The following SORCS3 variants were observed in gnomAD, a reference collection of about 807,000 sequenced individuals.
SORCS3 encodes sortilin related VPS10 domain containing receptor 3.
A neutral mutation model predicts 146.3 loss-of-function variants in SORCS3; 57 were observed. The ratio of observed to expected loss-of-function variants is 0.39; its 90% confidence interval spans 0.31 to 0.49. The LOEUF (loss-of-function observed/expected upper bound fraction) is 0.49. Among genes scored for constraint, SORCS3 ranks in the 20% least tolerant of loss-of-function variants. SORCS3 has a pLI of 0.92. For missense variants in SORCS3, 1,341 were observed against 1,575.5 expected, an observed-to-expected ratio of 0.85 and a Z score of 2.52; for synonymous variants, 653 against 618.5, an observed-to-expected ratio of 1.06 and a Z score of -0.83.
intron 2 of SORCS3, among the ~76,000 whole-genome samples, chr10:104,876,912 G>A (rs940004649): frequency 2.0e-5 from 3 of 151,370 alleles, no homozygotes; most frequent in Non-Finnish European, 4.4e-5. Flanking sequence ...GTGGAGTATA[G>A]CAAAGCAATC....
intron 1 of SORCS3, among the ~76,000 whole-genome samples, chr10:104,801,179 C>T (rs1445995319): frequency 6.6e-6 from 1 of 152,200 alleles, no homozygotes; most frequent in Admixed American, 6.5e-5. Context: ...GTCACTTAAT[C>T]TCTCTGTGCC....
chr10:104,996,004 A>G (rs1219155132), intron 4 of SORCS3, among the ~76,000 whole-genome samples: 5 of 152,192 alleles, frequency 3.3e-5, no homozygotes, highest in Non-Finnish European at 7.3e-5. Context: ...CAGTTTATGG[A>G]AAAGACTATT....
intron 20 of SORCS3, among the ~76,000 whole-genome samples, chr10:105,233,842 C>T (rs2056778401): frequency 6.6e-6 from 1 of 152,142 alleles, no homozygotes; most frequent in African/African-American, 2.4e-5. Flanking sequence ...CAACTCTTTG[C>T]TATTGTGAAC....
intron 1 of SORCS3, among the ~76,000 whole-genome samples, chr10:104,785,083 C>G (rs574896396): frequency 1.3e-5 from 2 of 152,234 alleles, no homozygotes; most frequent in East Asian, 1.9e-4. Flanking sequence ...GGGGCTGACC[C>G]CCCCCCACCT....
At chr10:105,140,117 G>A (rs1338283179) in intron 8 of SORCS3, among the ~76,000 whole-genome samples, 5 of 152,112 alleles carry the variant, frequency 3.3e-5, no homozygotes, top group Non-Finnish European at 5.9e-5. Flanking sequence ...AAATGGACAG[G>A]TTATAATTGC....
chr10:104,947,080 G>A (rs775774989), intron 3 of SORCS3, among the ~76,000 whole-genome samples: 11 of 152,076 alleles, frequency 7.2e-5, no homozygotes, highest in Non-Finnish European at 1.6e-4. Flanking sequence ...AAAAGCAGGG[G>A]ATGACTTGTA....
chr10:104,933,401 A>G (rs1460252226), intron 3 of SORCS3, among the ~76,000 whole-genome samples: 2 of 152,004 alleles, frequency 1.3e-5, no homozygotes, highest in Non-Finnish European at 2.9e-5. Flanking sequence ...CCAATAGTAG[A>G]CAACACATTT....
chr10:105,156,457 T>C (rs1589660128), intron 9 of SORCS3, among the ~76,000 whole-genome samples: 2 of 152,280 alleles, frequency 1.3e-5, no homozygotes, highest in South Asian at 4.1e-4. Flanking sequence ...CGTCAAAATA[T>C]CAAAGGCGTG....
intron 9 of SORCS3, among the ~76,000 whole-genome samples, chr10:105,155,862 A>G (rs764936059): frequency 9.2e-5 from 14 of 152,106 alleles, no homozygotes; most frequent in Non-Finnish European, 1.5e-4. Context: ...AGTTAATTCT[A>G]TTCTCCTCCT....
chr10:104,870,947 G>A (rs2018512966), intron 2 of SORCS3, among the ~76,000 whole-genome samples: 1 of 152,154 alleles, frequency 6.6e-6, no homozygotes, highest in African/African-American at 2.4e-5. Context: ...CCAGCCCTTA[G>A]GAGCCTAGAG....
chr10:104,740,261 C>T (rs2133459708), intron 1 of SORCS3, among the ~76,000 whole-genome samples: 1 of 152,304 alleles, frequency 6.6e-6, no homozygotes, highest in South Asian at 2.1e-4. Flanking sequence ...GGCCCCCTTT[C>T]TCCTCACTCA....
Position 105,159,241 on chromosome 10 carries a change from G to A in SORCS3, c.1732+247G>A, listed in dbSNP as rs146100364. 1.7e-3 allele frequency among the ~76,000 whole-genome samples: 257 copies of A among 152,286 alleles called. 6 individuals are homozygous for A. The South Asian group carries it at 0.046, about 27-fold the overall frequency. ...AGCAGTCCCCTGTGCTTAGGAAGAGGCCAGAGTTTCTCTCAAAGTAAACTG... is the reference window on the plus strand; with the variant it reads ...AGCAGTCCCCTGTGCTTAGGAAGAGACCAGAGTTTCTCTCAAAGTAAACTG... On this transcript the variant is annotated intron_variant, in intron 11 of 26. Transcript: ENST00000369701.
chr10:104,906,056 C>T (rs891875654), intron 2 of SORCS3, among the ~76,000 whole-genome samples: 2 of 152,128 alleles, frequency 1.3e-5, no homozygotes, highest in Non-Finnish European at 2.9e-5. Flanking sequence ...CACATTTTAT[C>T]CTGGAGGTTT....
intron 1 of SORCS3, among the ~76,000 whole-genome samples, chr10:104,796,513 C>T (rs1405242557): frequency 6.6e-6 from 1 of 151,680 alleles, no homozygotes; most frequent in Non-Finnish European, 1.5e-5. Flanking sequence ...ATTGACTAGA[C>T]CTTAATGGCT....
chr10:104,994,075 T>C (rs1311461081), intron 4 of SORCS3, among the ~76,000 whole-genome samples: 2 of 152,222 alleles, frequency 1.3e-5, no homozygotes, highest in Non-Finnish European at 2.9e-5. Flanking sequence ...CCCTACTGTC[T>C]ATTACCCAGA....
intron 19 of SORCS3, chr10:105,217,729 A>C: frequency 2.2e-6 from 1 of 445,016 alleles, no homozygotes. Context: ...GCTTGGCACA[A>C]ACCAAAAGAA....
chr10:104,949,344 G>A (rs371320777), intron 3 of SORCS3, among the ~76,000 whole-genome samples: 25 of 152,304 alleles, frequency 1.6e-4, no homozygotes, highest in African/African-American at 6.0e-4. Context: ...AATGTAGCTT[G>A]AGTCTGGGCA....
chr10:104,837,348 T>C (rs1171636317), intron 1 of SORCS3, among the ~76,000 whole-genome samples: 2 of 152,244 alleles, frequency 1.3e-5, no homozygotes, highest in African/African-American at 4.8e-5. Flanking sequence ...TGTACCTATA[T>C]GTACTTCCAT....
At chr10:104,812,407 T>A (rs760598561) in intron 1 of SORCS3, among the ~76,000 whole-genome samples, 19 of 152,244 alleles carry the variant, frequency 1.2e-4, no homozygotes, top group Non-Finnish European at 2.4e-4. Flanking sequence ...GTAGACAAAC[T>A]GAGACCTAGC....
Sources: gnomAD v4.1 joint callset for allele counts (sites outside exome capture counted in the v4.1 genomes callset) on GRCh38, gnomAD v4.1.1 for gene constraint, MANE v1.5 for transcripts, NCBI Gene and HGNC (gene_info 2026-07-23, HGNC 2026-07-21) for gene names.